Variants in UNC45B observed in about 807,000 individuals in gnomAD.
The protein encoded by UNC45B is protein unc-45 homolog B.
A neutral mutation model predicts 98.7 loss-of-function variants in UNC45B; 78 were observed. The observed-to-expected ratio is 0.79, with a 90% confidence interval of 0.66 to 0.95. The LOEUF (loss-of-function observed/expected upper bound fraction) is 0.95. Among genes scored for constraint, UNC45B ranks in the 40% least tolerant of loss-of-function variants. The pLI is 0.00. For missense variants in UNC45B, 1,225 were observed against 1,184.9 expected (o/e 1.03, Z -0.50); for synonymous variants, 462 against 480.4 (o/e 0.96, Z 0.50).
chr17:35,163,698 T>C lies in UNC45B; in HGVS notation c.980-297T>C, dbSNP rs116084319. 0.013 allele frequency among the ~76,000 whole-genome samples: 1,921 copies of C among 152,252 alleles called. 42 individuals carry two copies. The highest frequency in any genetic ancestry group is 0.044 in the African/African-American group (1,842 of 41,552). ...ATGAAATAGTATTTGGAGAAGACTA[T>C]ACATCAGCCCATGGAATGTCAGCAC... On this transcript the variant is annotated intron_variant, in intron 8 of 19. Transcript: ENST00000394570.
At chr17:35,148,563 G>A (rs2091993271) in intron 2 of UNC45B, 132 bp downstream of exon 2, 3 of 1,085,022 alleles carry the variant, frequency 2.8e-6, no homozygotes, top group Middle Eastern at 3.1e-4. Context: ...GTTGGAGAAG[G>A]GTGCCTCCAA....
At chr17:35,153,300 C>A (rs2092034068) in intron 5 of UNC45B, among the ~76,000 whole-genome samples, 1 of 152,142 alleles carries the variant, frequency 6.6e-6, no homozygotes, top group African/African-American at 2.4e-5. Context: ...TTATTGAGTT[C>A]TTTGGTGCCC....
At position 35,174,244 on chromosome 17, in the gene UNC45B, C is replaced by G; in HGVS notation, c.1833C>G (p.Asp611Glu). The G allele has an allele frequency of 6.2e-7, 1 of 1,614,182 alleles. No individual in the cohort carries two copies. The highest frequency in any genetic ancestry group is 2.2e-5 in the East Asian group (1 of 44,878). Reference sequence around the variant, plus strand: ...TTGCCATCTTTTCATCTCCTCAGGACAAGAAGGACTTTATAGACATGCGGG... The same window carrying G: ...TTGCCATCTTTTCATCTCCTCAGGAGAAGAAGGACTTTATAGACATGCGGG... ...KQHVPEEHPK[D>E]KKDFIDMRVK... is the part of the protein sequence containing the mutation. Residue 611 changes from aspartate (D) to glutamate (E), a missense_variant and splice_region_variant, in exon 14 of 20, where the codon GAC becomes GAG. Physicochemically the swap from Asp to Glu is conservative, Grantham distance 45. Coordinates refer to ENST00000394570, the MANE Select transcript of UNC45B (RefSeq NM_001267052.2).
In UNC45B at chr17:35,174,377, T is replaced by A. The variant is rs374690882; in HGVS notation, c.1958+8T>A. On this transcript the variant is annotated splice_region_variant and intron_variant, in intron 14 of 19. Coordinates refer to ENST00000394570, the MANE Select transcript of UNC45B (RefSeq NM_001267052.2). ...CAAGGAGCTGCTGGCCAGGTGGGGCTGCAGTGGGCCAAGGCTTGGAACTAG... is the reference window on the plus strand; with the variant it reads ...CAAGGAGCTGCTGGCCAGGTGGGGCAGCAGTGGGCCAAGGCTTGGAACTAG... The A allele has an allele frequency of 7.4e-6, 12 of 1,614,060 alleles. No individual in the cohort carries two copies. The South Asian group carries it at 1.3e-4, about 18-fold the overall frequency.
chr17:35,186,196 C>T, intron 19 of UNC45B, 103 bp from the exon 20 acceptor site: 1 of 1,474,392 alleles, frequency 6.8e-7, no homozygotes, highest in Non-Finnish European at 9.2e-7. Context: ...TCTTAAAGGA[C>T]CCACCTCCTA....
chr17:35,183,171 G>A (rs1444627378), intron 18 of UNC45B, among the ~76,000 whole-genome samples: 1 of 150,312 alleles, frequency 6.7e-6, no homozygotes, highest in Non-Finnish European at 1.5e-5. Flanking sequence ...TCCTTCCCCT[G>A]GTGTGGAGGC....
Position 35,187,025 on chromosome 17 carries a change from TC to T in UNC45B, c.*467del, listed in dbSNP as rs2092308096. The T allele has an allele frequency of 1.2e-5, 2 of 167,922 alleles. No homozygotes were observed. Among genetic ancestry groups the T allele is most frequent in the Non-Finnish European group, 2.6e-5 (2 of 76,094 alleles). The allele number at this position is 167,922 out of a possible 1,614,324, so 10.4% of individuals were successfully genotyped here. ...TCCCACACTATTTGAATCAGTCTGTTCAGAACTGTGTGTTTCACCTGCAGTG... is the reference window on the plus strand; with the variant it reads ...TCCCACACTATTTGAATCAGTCTGTTAGAACTGTGTGTTTCACCTGCAGTG... On this transcript the variant is annotated 3_prime_UTR_variant, in exon 20 of 20. Transcript: ENST00000394570.
rs759581370 is a variant in UNC45B, at chr17:35,155,450, A to C, written c.794A>C (p.Glu265Ala). ...AAGCGGGAGCATCGAGGGAAGGAGG[A>C]GGCCCTGGTTCTAGGTAGGAAACAT... ...EDKREHRGKE[E>A]ALVLDTKKDL... Residue 265 changes from glutamate to alanine, a missense_variant, in exon 7 of 20, where the codon GAG becomes GCG. Glu to Ala is a moderately radical substitution (Grantham distance 107, BLOSUM62 -1). Coordinates refer to ENST00000394570, the MANE Select transcript of UNC45B (RefSeq NM_001267052.2). The C allele has an allele frequency of 6.2e-7, 1 of 1,614,154 alleles. No individual in the cohort carries two copies. Among genetic ancestry groups the C allele is most frequent in the Admixed American group, 1.7e-5 (1 of 60,022 alleles).
chr17:35,179,807 G>A (rs1396897802), intron 17 of UNC45B, among the ~76,000 whole-genome samples: 2 of 152,108 alleles, frequency 1.3e-5, no homozygotes, highest in South Asian at 4.2e-4. Context: ...TGTAAATGAC[G>A]AGTTGATGGG....
chr17:35,152,802 A>G, intron 4 of UNC45B, 91 bp from the exon 5 acceptor site: 1 of 951,926 alleles, frequency 1.1e-6, no homozygotes, highest in South Asian at 1.3e-5. Context: ...CCCAGAGTAG[A>G]CACCTGATAT....
At chr17:35,153,484 C>A (rs577336652) in intron 5 of UNC45B, among the ~76,000 whole-genome samples, 3 of 136,108 alleles carry the variant, frequency 2.2e-5, no homozygotes, top group Admixed American at 7.1e-5. Context: ...AAACTTGTTA[C>A]CTTTTTTTTT....
chr17:35,183,765 T>C (rs938948863), intron 19 of UNC45B, among the ~76,000 whole-genome samples, 183 bp downstream of exon 19: 1 of 152,202 alleles, frequency 6.6e-6, no homozygotes, highest in Non-Finnish European at 1.5e-5. Context: ...TTACATTCAT[T>C]ATTTGGTCTT....
intron 14 of UNC45B, 86 bp from the exon 15 acceptor site, chr17:35,175,882 G>A: frequency 7.6e-7 from 1 of 1,307,236 alleles, no homozygotes; most frequent in Non-Finnish European, 1.1e-6. Flanking sequence ...GGGTTTCACT[G>A]GCTCCGACTG....
intron 10 of UNC45B, 31 bp from the exon 11 acceptor site, chr17:35,169,806 G>T: frequency 6.3e-7 from 1 of 1,597,842 alleles, no homozygotes; most frequent in East Asian, 2.2e-5. Flanking sequence ...CTCTGATCCT[G>T]CATGTGTCTG....
intron 9 of UNC45B, among the ~76,000 whole-genome samples, chr17:35,166,768 C>T (rs1187435733): frequency 6.6e-6 from 1 of 152,200 alleles, no homozygotes; most frequent in Non-Finnish European, 1.5e-5. Flanking sequence ...GCTGAGTCCT[C>T]TTCCCCAGGG....
At chr17:35,157,303 G>A (rs1008206210) in intron 7 of UNC45B, among the ~76,000 whole-genome samples, 4 of 151,946 alleles carry the variant, frequency 2.6e-5, no homozygotes, top group African/African-American at 7.3e-5. Flanking sequence ...GCGGTGGCAC[G>A]ATCTCAGCTC....
rs768373974 is a variant in UNC45B at position 35,152,921 on chromosome 17, G to A, written c.410G>A (p.Arg137Lys). Residue 137 changes from arginine (R) to lysine (K), a missense_variant, in exon 5 of 20, where the codon AGG (arginine) becomes AAG (lysine). Transcript: ENST00000394570. ...CGAGTGCAGTTCTCCACAGACTCGA[G>A]GGTACAGAAGATGTTTGAGATCCTC... The part of the protein sequence containing the change: ...KLRVQFSTDS[R>K]VQKMFEILLD... The A allele has an allele frequency of 1.9e-6, 3 of 1,614,118 alleles. No homozygotes were observed. The highest frequency in any genetic ancestry group is 2.2e-5 in the South Asian group (2 of 91,080).
intron 7 of UNC45B, among the ~76,000 whole-genome samples, chr17:35,158,721 C>T (rs1331624819): frequency 6.6e-6 from 1 of 152,198 alleles, no homozygotes; most frequent in Non-Finnish European, 1.5e-5. Context: ...CGAACTGTCA[C>T]ATCTGCTTAC....
At chr17:35,179,396 G>A (rs4796045) in intron 17 of UNC45B, among the ~76,000 whole-genome samples, 82,474 of 151,984 alleles carry the variant, frequency 0.54, 22,433 homozygotes, top group East Asian at 0.7. Flanking sequence ...CAATCCCATT[G>A]CTGGGTATAT....
Sources: gnomAD v4.1 joint callset for allele counts (sites outside exome capture counted in the v4.1 genomes callset) on GRCh38, gnomAD v4.1.1 for gene constraint, MANE v1.5 for transcripts, NCBI Gene and HGNC (gene_info 2026-07-23, HGNC 2026-07-21) for gene names.